Variants in SUPT6H observed in about 807,000 individuals in gnomAD.
SUPT6H encodes the protein transcription elongation factor SPT6.
A neutral mutation model predicts 222.3 loss-of-function variants in SUPT6H; 11 were observed. The observed-to-expected ratio is 0.05, with a 90% CI of 0.03 to 0.08. SUPT6H has a LOEUF of 0.08. SUPT6H is among the 10% of genes least tolerant of loss of function. The pLI is 1.00. For synonymous variants in SUPT6H, 762 were observed against 801.2 expected (o/e 0.95, Z 0.83); for missense variants, 1,422 against 2,216.0 (o/e 0.64, Z 7.19).
rs1441553359 is a variant in SUPT6H, at chr17:28,688,528, C to CAGATA, written c.3134+313_3134+317dup. ...TTTTATTATTATGGTTTGTTGTGGC[C>CAGATA]AGATAAGGGTGGGAATAGCGGGGGC... is the stretch of plus-strand genomic sequence containing the variant. On this transcript the variant is annotated intron_variant, in intron 24 of 36. Transcript: ENST00000314616. This position sits in a 1 kb window ranked among gnomAD's most constrained non-coding sequence, Gnocchi z 4.3. 5.4e-6 allele frequency: 1 copy of CAGATA among 186,074 alleles called. No individual in the cohort carries two copies. Among genetic ancestry groups the CAGATA allele is most frequent in the East Asian group, 1.4e-4 (1 of 7,186 alleles). The allele number at this position is 186,074 out of a possible 1,614,324, so 11.5% of individuals were successfully genotyped here.
intron 23 of SUPT6H, among the ~76,000 whole-genome samples, 193 bp downstream of exon 23, chr17:28,687,664 G>A (rs768441663): frequency 1.3e-5 from 2 of 152,094 alleles, no homozygotes; most frequent in Non-Finnish European, 2.9e-5. Flanking sequence ...ACTGCTGCTT[G>A]CACCACCACA....
Position 28,700,366 on chromosome 17 carries a change from G to A in SUPT6H, c.4660G>A (p.Ala1554Thr). ...TACAGATCTGACACGGGCTGTGAAT[G>A]CCCTGCCTCAGAACATGACTTCACA... is the stretch of plus-strand genomic sequence containing the variant. Reference protein sequence around the residue: ...NLADLTRAVNALPQNMTSQMF... With the variant: ...NLADLTRAVNTLPQNMTSQMF... The change falls in exon 35 of 37, where the codon GCC becomes ACC. Residue 1554 changes from alanine to threonine, a missense_variant. Physicochemically the swap from Ala to Thr is moderately conservative, Grantham distance 58. Transcript: ENST00000314616. 1 of 1,614,220 alleles carries A rather than the reference G, an allele frequency of 6.2e-7. No individual in the cohort carries two copies. Among genetic ancestry groups the A allele is most frequent in the Non-Finnish European group, 8.5e-7 (1 of 1,180,040 alleles).
At chr17:28,676,841 T>G (rs1296837628) in intron 7 of SUPT6H, among the ~76,000 whole-genome samples, 1 of 151,740 alleles carries the variant, frequency 6.6e-6, no homozygotes, top group Non-Finnish European at 1.5e-5. Flanking sequence ...GTGGGAAGAT[T>G]GCTTGAACTT....
intron 28 of SUPT6H, 81 bp from the exon 29 acceptor site, chr17:28,695,271 C>G (rs2031849439): frequency 6.9e-7 from 1 of 1,442,800 alleles, no homozygotes; most frequent in Admixed American, 2.1e-5. Flanking sequence ...TCTGCCTGGA[C>G]TTTGGTTTTC....
chr17:28,686,884 G>A, intron 21 of SUPT6H, 95 bp downstream of exon 21: 2 of 1,499,566 alleles, frequency 1.3e-6, no homozygotes, highest in South Asian at 2.7e-5. Context: ...AGGGGCACAG[G>A]ACTGTACCTG....
At chr17:28,674,097 A>C (rs1479356959) in intron 2 of SUPT6H, among the ~76,000 whole-genome samples, 186 bp from the exon 3 acceptor site, 2 of 152,218 alleles carry the variant, frequency 1.3e-5, no homozygotes, top group African/African-American at 4.8e-5. Flanking sequence ...GGGGAAGAAA[A>C]CATTCTTTCC....
Position 28,701,082 on chromosome 17 carries a change from C to G in SUPT6H, c.4948C>G (p.Gln1650Glu), listed in dbSNP as rs780066245. The G allele has an allele frequency of 6.2e-7, 1 of 1,613,382 alleles. No individual in the cohort carries two copies. The highest frequency in any genetic ancestry group is 1.1e-5 in the South Asian group (1 of 91,054). ...CACCACCCCACAGTCGGCCCAGGCC[C>G]AGCCCCAGCCCTCTTCCAGCTCCCG... ...ASTTPQSAQA[Q>E]PQPSSSSRQR... Residue 1650 changes from glutamine (Q) to glutamate (E), a missense_variant, in exon 36 of 37, where the codon CAG becomes GAG. This residue lies in a region of SUPT6H where 395 missense variants were observed against 580.6 expected (regional missense o/e 0.68). Transcript: ENST00000314616.
chr17:28,677,588 TG>T, intron 7 of SUPT6H, 126 bp from the exon 8 acceptor site: 1 of 710,910 alleles, frequency 1.4e-6, no homozygotes, highest in Non-Finnish European at 2.5e-6. Context: ...AACACTGGTA[TG>T]GCATTTGTAG....
intron 2 of SUPT6H, 44 bp downstream of exon 2, chr17:28,673,554 C>A (rs985378271): frequency 2.8e-6 from 4 of 1,422,422 alleles, no homozygotes; most frequent in Non-Finnish European, 4.0e-6. Flanking sequence ...TATTGCTAAG[C>A]TTTGGATAGT....
At chr17:28,696,637 C>T (rs918372284) in intron 29 of SUPT6H, among the ~76,000 whole-genome samples, 1 of 150,954 alleles carries the variant, frequency 6.6e-6, no homozygotes, top group African/African-American at 2.4e-5. Context: ...GGTGTATTCC[C>T]AGCTATTTTA....
At chr17:28,699,705 G>A in intron 32 of SUPT6H, 76 bp from the exon 33 acceptor site, 1 of 1,206,570 alleles carries the variant, frequency 8.3e-7, no homozygotes, top group South Asian at 1.2e-5. Flanking sequence ...TACTTCACAT[G>A]GTGGGCATCT....
rs1486244118 is a variant in SUPT6H at position 28,673,362 on chromosome 17, T to G, written c.-31-9T>G. 3 of 1,521,614 alleles carry G rather than the reference T, an allele frequency of 2.0e-6. No individual in the cohort carries two copies. The highest frequency in any genetic ancestry group is 2.7e-6 in the Non-Finnish European group (3 of 1,097,854). The allele number at this position is 1,521,614 out of a possible 1,614,324, so 94.3% of individuals were successfully genotyped here. On this transcript the variant is annotated splice_polypyrimidine_tract_variant and intron_variant, in intron 1 of 36. Coordinates refer to ENST00000314616, the MANE Select transcript of SUPT6H (RefSeq NM_003170.5). Reference sequence around the variant, plus strand: ...CGTTTTTTTATCCTTCACTCTTTTCTTTCCCTAGTTATCTTCAGGCAGAGT... The same window carrying G: ...CGTTTTTTTATCCTTCACTCTTTTCGTTCCCTAGTTATCTTCAGGCAGAGT...
At chr17:28,663,556 A>G (rs1167667532) in intron 1 of SUPT6H, among the ~76,000 whole-genome samples, 2 of 152,078 alleles carry the variant, frequency 1.3e-5, no homozygotes, top group African/African-American at 4.8e-5. Flanking sequence ...TCTTGACCTT[A>G]ATAAATGGCA....
rs537306634 is a variant in SUPT6H at position 28,667,509 on chromosome 17, A to G, written c.-32+5167A>G. ...TGTATATATGTATATGTGTATATAT[A>G]TATAAATACGTGTGTGTGTGTGTGT... On this transcript the variant is annotated intron_variant, in intron 1 of 36. Transcript: ENST00000314616. Among the ~76,000 whole-genome samples the G allele has an allele frequency of 7.2e-4, 106 of 146,222 alleles. 3 individuals carry two copies. In the South Asian group the frequency reaches 0.023, roughly 31 times the overall value.
chr17:28,680,460 T>C (rs764767940), intron 11 of SUPT6H, among the ~76,000 whole-genome samples: 1 of 151,506 alleles, frequency 6.6e-6, no homozygotes, highest in African/African-American at 2.4e-5. Flanking sequence ...TAGTCGGGTG[T>C]GGTGGTGCGT....
At chr17:28,699,630 A>T (rs1029071214) in intron 32 of SUPT6H, 151 bp from the exon 33 acceptor site, 27 of 732,134 alleles carry the variant, frequency 3.7e-5, no homozygotes, top group African/African-American at 3.4e-4. Context: ...TGTGCTGCTC[A>T]CCTCCCTTCA....
At chr17:28,699,191 C>T (rs950943245) in intron 32 of SUPT6H, among the ~76,000 whole-genome samples, 4 of 152,206 alleles carry the variant, frequency 2.6e-5, no homozygotes, top group Non-Finnish European at 5.9e-5. Flanking sequence ...TTTATCCTCA[C>T]ACCCACCCCA....
At chr17:28,669,202 TTTTG>T (rs905981940) in intron 1 of SUPT6H, among the ~76,000 whole-genome samples, 28 of 152,196 alleles carry the variant, frequency 1.8e-4, no homozygotes, top group African/African-American at 4.8e-4. Context: ...TTTTGGGTTT[TTTTG>T]TTTGTTTGTT....
At chr17:28,686,473 A>C in intron 20 of SUPT6H, 58 bp downstream of exon 20, 1 of 1,584,082 alleles carries the variant, frequency 6.3e-7, no homozygotes, top group South Asian at 1.1e-5. Flanking sequence ...ATCCCTTATT[A>C]TTGAGTCTGG....
Sources: gnomAD v4.1 joint callset for allele counts (sites outside exome capture counted in the v4.1 genomes callset) on GRCh38, gnomAD v4.1.1 for gene constraint, gnomAD v4.1.1 regional missense constraint, Gnocchi (gnomAD v3.1) non-coding constraint, MANE v1.5 for transcripts, NCBI Gene and HGNC (gene_info 2026-07-23, HGNC 2026-07-21) for gene names.